Variants in RTN4RL1 observed in about 807,000 individuals in gnomAD.
The protein encoded by RTN4RL1 is reticulon-4 receptor-like 1.
RTN4RL1 carries 7 observed loss-of-function variants against 25.6 expected under a neutral mutation model. The observed-to-expected ratio is 0.27, with a 90% CI of 0.16 to 0.51. RTN4RL1 has a LOEUF of 0.51. RTN4RL1 is among the 20% of genes least tolerant of loss of function. The probability of loss-of-function intolerance (pLI) is 0.97; values close to 1 mark genes in which losing one functional copy is unlikely to be tolerated. For synonymous variants in RTN4RL1, 297 were observed against 288.2 expected, an observed-to-expected ratio of 1.03 and a Z score of -0.31; for missense variants, 500 against 615.6, an observed-to-expected ratio of 0.81 and a Z score of 1.99.
At chr17:1,945,668 C>A (rs1400297384) in intron 1 of RTN4RL1, among the ~76,000 whole-genome samples, 4 of 152,192 alleles carry the variant, frequency 2.6e-5, no homozygotes, top group Admixed American at 2.0e-4. Flanking sequence ...TTCACTTTAC[C>A]CCACAGCATT....
Position 2,002,651 on chromosome 17 carries a change from CCTTT to C in RTN4RL1, c.13+22198_13+22201del, listed in dbSNP as rs573934222. Among the ~76,000 whole-genome samples, 31 of 151,300 alleles carry C rather than the reference CCTTT, an allele frequency of 2.0e-4. No homozygotes were observed. In the East Asian group the frequency reaches 5.0e-3, roughly 25 times the overall value. ...TCCTCCCTCCCTCCCTTCCTTCCTT[CCTTT>C]CTTTTCTCTGTCTCTGTCTCCCTCT... is the stretch of plus-strand genomic sequence containing the variant. On this transcript the variant is annotated intron_variant, in intron 1 of 1. Transcript: ENST00000331238.
At chr17:1,952,992 G>A (rs1915714705) in intron 1 of RTN4RL1, among the ~76,000 whole-genome samples, 1 of 151,140 alleles carries the variant, frequency 6.6e-6, no homozygotes, top group Non-Finnish European at 1.5e-5. Context: ...TGGGAGAACT[G>A]CTTGAACCCA....
chr17:1,987,718 GAC>G (rs59658751), intron 1 of RTN4RL1, among the ~76,000 whole-genome samples: 184 of 145,196 alleles, frequency 1.3e-3, no homozygotes, highest in Middle Eastern at 7.0e-3. Flanking sequence ...TGAGTTCAGG[GAC>G]ACACACACAC....
chr17:1,960,927 G>C (rs769993131), intron 1 of RTN4RL1, among the ~76,000 whole-genome samples: 18 of 152,112 alleles, frequency 1.2e-4, no homozygotes, highest in East Asian at 3.9e-4. Context: ...GTCTCCAGCC[G>C]ATGCCCACGG....
At chr17:2,002,941 A>C (rs1157360648) in intron 1 of RTN4RL1, 1 of 152,274 alleles carries the variant, frequency 6.6e-6, no homozygotes, top group East Asian at 1.9e-4. Flanking sequence ...GTGTTGCCCC[A>C]GCTATTTTTT....
chr17:1,936,869 A>G lies in RTN4RL1; in HGVS notation c.953T>C (p.Leu318Pro). The G allele has an allele frequency of 1.3e-6, 2 of 1,594,352 alleles. No individual in the cohort carries two copies. The highest frequency in any genetic ancestry group is 8.5e-7 in the Non-Finnish European group (1 of 1,170,610). ...GCGGGCGGCCCTGTCGGTGGTGGTG[A>G]GCGTGTGTGACTTGATCTGGTGCGG... Reference protein sequence around the residue: ...ASPHQIKSHTLTTTDRAARKE... With the variant: ...ASPHQIKSHTPTTTDRAARKE... Residue 318 changes from leucine (L) to proline (P), a missense_variant, in exon 2 of 2, where the codon CTC (leucine) becomes CCC (proline). By Grantham distance (98) the Leu-to-Pro change is moderately conservative. This residue lies in a region of RTN4RL1 where 268 missense variants were observed against 274.5 expected (regional missense o/e 0.98). Transcript: ENST00000331238.
rs764945936 is a variant in RTN4RL1, at chr17:1,936,551, G to A, written c.1271C>T (p.Ser424Phe). 1.3e-6 allele frequency: 2 copies of A among 1,557,454 alleles called. No individual in the cohort carries two copies. The highest frequency in any genetic ancestry group is 1.7e-6 in the Non-Finnish European group (2 of 1,152,268). ...CCAGGCCAGGAGGGAGGCCCCCAGG[G>A]AACTGGCCGAGGAGGCCTGCTGCAC... ...SGVQQASSAS[S>F]LGASLLAWTL... The change falls in exon 2 of 2, where the codon TCC (serine) becomes TTC (phenylalanine). Residue 424 changes from serine (S) to phenylalanine (F), a missense_variant. Around this residue, in one of 2 missense-constraint regions of RTN4RL1, gnomAD observed 268 missense variants for 274.5 expected, o/e 0.98. Coordinates refer to ENST00000331238, the MANE Select transcript of RTN4RL1 (RefSeq NM_178568.4).
At position 1,936,539 on chromosome 17, in the gene RTN4RL1, G is replaced by A. The variant is rs1162440225; in HGVS notation, c.1283C>T (p.Ser428Phe). The change falls in exon 2 of 2, where the codon TCC (serine) becomes TTC (phenylalanine). Residue 428 changes from serine to phenylalanine, a missense_variant. Around this residue, in one of 2 missense-constraint regions of RTN4RL1, gnomAD observed 268 missense variants for 274.5 expected, o/e 0.98. Coordinates refer to ENST00000331238, the MANE Select transcript of RTN4RL1 (RefSeq NM_178568.4). Reference protein sequence around the residue: ...QASSASSLGASLLAWTLGLAV... With the variant: ...QASSASSLGAFLLAWTLGLAV... Reference sequence around the variant, plus strand: ...CAGCCCCAGTGTCCAGGCCAGGAGGGAGGCCCCCAGGGAACTGGCCGAGGA... The same window carrying A: ...CAGCCCCAGTGTCCAGGCCAGGAGGAAGGCCCCCAGGGAACTGGCCGAGGA... The A allele has an allele frequency of 6.4e-7, 1 of 1,553,470 alleles. No individual in the cohort carries two copies. The highest frequency in any genetic ancestry group is 8.7e-7 in the Non-Finnish European group (1 of 1,150,610).
At chr17:1,995,031 T>C (rs144686079) in intron 1 of RTN4RL1, among the ~76,000 whole-genome samples, 15 of 152,094 alleles carry the variant, frequency 9.9e-5, no homozygotes, top group African/African-American at 3.6e-4. Flanking sequence ...GGTTCCCCTG[T>C]GCTTACAGGG....
chr17:2,010,667 C>T (rs2067038810), intron 1 of RTN4RL1, among the ~76,000 whole-genome samples: 1 of 152,106 alleles, frequency 6.6e-6, no homozygotes, highest in Non-Finnish European at 1.5e-5. Context: ...AAGCAATCCT[C>T]CCACCTCAGC....
chr17:1,987,573 C>T (rs763240331), intron 1 of RTN4RL1, among the ~76,000 whole-genome samples: 24 of 152,118 alleles, frequency 1.6e-4, no homozygotes, highest in Non-Finnish European at 3.1e-4. Context: ...GTTTTGTTTC[C>T]GTCTTTTGTA....
chr17:1,971,833 G>T (rs1364637446), intron 1 of RTN4RL1, among the ~76,000 whole-genome samples: 1 of 151,494 alleles, frequency 6.6e-6, no homozygotes, highest in Non-Finnish European at 1.5e-5. Flanking sequence ...GTGGTGGCGG[G>T]CGCCTGTAGT....
intron 1 of RTN4RL1, among the ~76,000 whole-genome samples, chr17:1,964,874 C>T (rs373562850): frequency 1.4e-4 from 21 of 146,508 alleles, no homozygotes; most frequent in East Asian, 8.1e-4. Flanking sequence ...CTGCAACCTC[C>T]GCCTCTCGTG....
intron 1 of RTN4RL1, among the ~76,000 whole-genome samples, chr17:1,978,025 C>T (rs567348517): frequency 2.0e-5 from 3 of 151,748 alleles, no homozygotes; most frequent in Non-Finnish European, 2.9e-5. Flanking sequence ...TCCTGCACCC[C>T]GCATCTCTCA....
chr17:1,980,864 G>C (rs1385039352), intron 1 of RTN4RL1, among the ~76,000 whole-genome samples: 1 of 146,676 alleles, frequency 6.8e-6, no homozygotes, highest in African/African-American at 2.5e-5. Flanking sequence ...GGAGGTGGCA[G>C]TGCGGTGTGC....
chr17:1,990,083 C>CT (rs55708206), intron 1 of RTN4RL1, among the ~76,000 whole-genome samples: 105,550 of 151,878 alleles, frequency 0.69, 37,981 homozygotes, highest in African/African-American at 0.88. Flanking sequence ...CATTAAAAAA[C>CT]TTTTTTTTAA....
chr17:1,963,848 C>T (rs1784543503), intron 1 of RTN4RL1, among the ~76,000 whole-genome samples: 1 of 152,338 alleles, frequency 6.6e-6, no homozygotes, highest in South Asian at 2.1e-4. Flanking sequence ...TCTCCTGCCT[C>T]AGGCTCCCGA....
chr17:2,022,080 C>T (rs936991837), intron 1 of RTN4RL1, among the ~76,000 whole-genome samples: 10 of 151,126 alleles, frequency 6.6e-5, no homozygotes, highest in Admixed American at 1.3e-4. Flanking sequence ...TTCAGGAGGC[C>T]GAGGTGGGCA....
intron 1 of RTN4RL1, among the ~76,000 whole-genome samples, chr17:1,992,358 CAAAAAAAAA>C (rs1021180493): frequency 1.7e-4 from 9 of 53,312 alleles, no homozygotes; most frequent in Non-Finnish European, 3.2e-4. Flanking sequence ...GACTCTGTCT[CAAAAAAAAA>C]AAAAAAAAAA....
Sources: allele counts gnomAD v4.1 joint callset (sites outside exome capture counted in the v4.1 genomes callset), GRCh38; gene constraint gnomAD v4.1.1; regional missense constraint gnomAD v4.1.1; transcripts MANE v1.5; gene names NCBI Gene and HGNC (gene_info 2026-07-23, HGNC 2026-07-21).